The following MAGI2 variants were observed in gnomAD, a reference collection of about 807,000 sequenced individuals.
MAGI2 encodes the protein membrane associated guanylate kinase, WW and PDZ domain containing 2.
In MAGI2, 35 loss-of-function variants were observed where a neutral mutation model predicts 133.3. The observed-to-expected ratio is 0.26, with a 90% confidence interval of 0.20 to 0.35. The LOEUF is 0.35. Among genes scored for constraint, MAGI2 ranks in the 10% least tolerant of loss-of-function variants. MAGI2 has a pLI of 1.00. For missense variants in MAGI2, 1,636 were observed against 1,863.4 expected (o/e 0.88, Z 2.25); for synonymous variants, 729 against 710.6 (o/e 1.03, Z -0.41).
Position 79,334,212 on chromosome 7 carries a change from C to T in MAGI2, c.301+118808G>A, listed in dbSNP as rs563748774. On this transcript the variant is annotated intron_variant, in intron 1 of 21. Transcript: ENST00000354212. ...GTGTTCCATTTCCTTATCCATAATA[C>T]AGAATTAATACTACCAGCCTCACTG... Among the ~76,000 whole-genome samples the T allele has an allele frequency of 2.2e-4, 34 of 152,208 alleles. No individual in the cohort carries two copies. The South Asian group carries it at 7.1e-3, about 32-fold the overall frequency.
intron 2 of MAGI2, among the ~76,000 whole-genome samples, chr7:78,627,575 T>A (rs1808504324): frequency 6.6e-6 from 1 of 152,210 alleles, no homozygotes; most frequent in South Asian, 2.1e-4. Flanking sequence ...TTCAGGAATT[T>A]ATATATTTCA....
At chr7:79,086,463 C>T (rs1816502108) in intron 1 of MAGI2, among the ~76,000 whole-genome samples, 1 of 151,892 alleles carries the variant, frequency 6.6e-6, no homozygotes, top group African/African-American at 2.4e-5. Context: ...TAAAATGGCA[C>T]AAAACTCACT....
intron 6 of MAGI2, among the ~76,000 whole-genome samples, chr7:78,410,991 A>G (rs1462473434): frequency 6.6e-6 from 1 of 152,070 alleles, no homozygotes; most frequent in Non-Finnish European, 1.5e-5. Flanking sequence ...ATCAACAATG[A>G]TAAAAGCTTA....
chr7:78,808,477 C>T (rs778462714), intron 2 of MAGI2, among the ~76,000 whole-genome samples: 20 of 152,114 alleles, frequency 1.3e-4, no homozygotes, highest in Non-Finnish European at 2.2e-4. Flanking sequence ...AGGATGGTCT[C>T]GATCTCTTGA....
chr7:78,714,209 T>C (rs935883486), intron 2 of MAGI2, among the ~76,000 whole-genome samples: 8 of 152,082 alleles, frequency 5.3e-5, no homozygotes, highest in Admixed American at 3.3e-4. Flanking sequence ...TGGAAACACA[T>C]GTGTAGTCAG....
At chr7:78,525,082 C>T (rs886758208) in intron 3 of MAGI2, among the ~76,000 whole-genome samples, 4 of 151,916 alleles carry the variant, frequency 2.6e-5, no homozygotes, top group Non-Finnish European at 4.4e-5. Flanking sequence ...ATTTATATTA[C>T]TAATTATACC....
chr7:78,690,450 T>C (rs1282714237), intron 2 of MAGI2, among the ~76,000 whole-genome samples: 1 of 152,182 alleles, frequency 6.6e-6, no homozygotes, highest in Non-Finnish European at 1.5e-5. Context: ...CAAAAATATT[T>C]ATAAAATTTG....
chr7:78,887,356 C>T (rs377635694), intron 2 of MAGI2, among the ~76,000 whole-genome samples: 9 of 152,282 alleles, frequency 5.9e-5, no homozygotes, highest in African/African-American at 2.2e-4. Flanking sequence ...TTCAAGTTCA[C>T]CAGAGAACTT....
intron 1 of MAGI2, among the ~76,000 whole-genome samples, chr7:79,392,000 C>G (rs140596968): frequency 8.2e-4 from 125 of 152,182 alleles, no homozygotes; most frequent in African/African-American, 2.9e-3. Flanking sequence ...AATGCTCTCC[C>G]TCCCCTTGAC....
chr7:78,973,675 A>G lies in MAGI2; in HGVS notation c.418+33415T>C, dbSNP rs142404025. ...TGTCTTTCTTTCCTTTTCCCCTGCA[A>G]ATGAGGCCTGCGGAGAAAAGCACCA... On this transcript the variant is annotated intron_variant, in intron 2 of 21. Transcript: ENST00000354212. Among the ~76,000 whole-genome samples, 1,009 of 151,832 alleles carry G rather than the reference A, an allele frequency of 6.6e-3. 10 individuals carry two copies. Among genetic ancestry groups the G allele is most frequent in the Middle Eastern group, 0.024 (7 of 294 alleles).
intron 3 of MAGI2, among the ~76,000 whole-genome samples, chr7:78,574,862 G>A (rs769962402): frequency 2.6e-5 from 4 of 152,166 alleles, no homozygotes; most frequent in Non-Finnish European, 5.9e-5. Flanking sequence ...TGTATGCAGT[G>A]AATAGTTATC....
At chr7:78,893,410 G>T (rs964426247) in intron 2 of MAGI2, among the ~76,000 whole-genome samples, 4 of 152,134 alleles carry the variant, frequency 2.6e-5, no homozygotes, top group Admixed American at 6.5e-5. Flanking sequence ...AAATCATGCT[G>T]CTATAAAGAC....
intron 2 of MAGI2, among the ~76,000 whole-genome samples, chr7:78,670,048 C>T (rs1441146104): frequency 1.3e-5 from 2 of 151,578 alleles, no homozygotes; most frequent in African/African-American, 4.9e-5. Flanking sequence ...TCCTATTCAA[C>T]ATAGTGTTGG....
chr7:78,851,247 T>C (rs760840771), intron 2 of MAGI2, among the ~76,000 whole-genome samples: 1 of 126,912 alleles, frequency 7.9e-6, no homozygotes, highest in Non-Finnish European at 1.7e-5. Context: ...TTTCTCATTG[T>C]TAGTCCATTT....
chr7:78,627,758 T>G (rs1808526819), intron 2 of MAGI2, among the ~76,000 whole-genome samples: 1 of 152,356 alleles, frequency 6.6e-6, no homozygotes, highest in Non-Finnish European at 1.5e-5. Flanking sequence ...CAGAGCCATT[T>G]TTATTTGATT....
chr7:78,802,571 C>A (rs373370961), intron 2 of MAGI2, among the ~76,000 whole-genome samples: 5 of 152,098 alleles, frequency 3.3e-5, no homozygotes, highest in African/African-American at 1.2e-4. Context: ...GAGTGGAGCA[C>A]GGAGGACTTT....
intron 6 of MAGI2, among the ~76,000 whole-genome samples, chr7:78,480,607 C>T (rs1792262198): frequency 6.6e-6 from 1 of 151,842 alleles, no homozygotes; most frequent in Admixed American, 6.6e-5. Context: ...TGTAATCTAC[C>T]ATGTCAACAG....
At chr7:78,523,468 G>T (rs1796687408) in intron 3 of MAGI2, among the ~76,000 whole-genome samples, 1 of 151,740 alleles carries the variant, frequency 6.6e-6, no homozygotes, top group Non-Finnish European at 1.5e-5. Context: ...AACAGAGCAA[G>T]ACTCCATCTC....
At chr7:78,860,315 G>T (rs1212782039) in intron 2 of MAGI2, among the ~76,000 whole-genome samples, 2 of 152,204 alleles carry the variant, frequency 1.3e-5, no homozygotes, top group Non-Finnish European at 2.9e-5. Flanking sequence ...TTGGAGAAGA[G>T]GCGCTCTGAT....
Sources: allele counts gnomAD v4.1 joint callset (sites outside exome capture counted in the v4.1 genomes callset), GRCh38; gene constraint gnomAD v4.1.1; transcripts MANE v1.5; gene names NCBI Gene and HGNC (gene_info 2026-07-23, HGNC 2026-07-21).